CDH13: variants seen among roughly 807,000 people sequenced by gnomAD.
The protein encoded by CDH13 is cadherin-13.
CDH13 carries 24 observed loss-of-function variants against 63.8 expected under a neutral mutation model. The ratio of observed to expected loss-of-function variants is 0.38; its 90% confidence interval spans 0.27 to 0.53. The LOEUF (loss-of-function observed/expected upper bound fraction) is 0.53. CDH13 is among the 20% of genes least tolerant of loss of function. The pLI, the probability that CDH13 is intolerant of heterozygous loss-of-function variation, is 0.85. For synonymous variants in CDH13, 503 were observed against 355.3 expected (o/e 1.42, Z -4.67); for missense variants, 1,049 against 903.1 (o/e 1.16, Z -2.07).
chr16:83,756,591 T>C (rs1302181478), intron 11 of CDH13, among the ~76,000 whole-genome samples: 1 of 152,222 alleles, frequency 6.6e-6, no homozygotes, highest in East Asian at 1.9e-4. Flanking sequence ...CTGTTAGTGT[T>C]AGTGTATTGT....
chr16:83,136,501 A>G (rs973209445), intron 4 of CDH13, among the ~76,000 whole-genome samples: 3 of 151,820 alleles, frequency 2.0e-5, no homozygotes, highest in East Asian at 1.9e-4. Context: ...AAAAAAAAAA[A>G]AAAAAAGAAA....
At chr16:83,205,791 G>A (rs1048294712) in intron 4 of CDH13, among the ~76,000 whole-genome samples, 1 of 151,974 alleles carries the variant, frequency 6.6e-6, no homozygotes, top group African/African-American at 2.4e-5. Flanking sequence ...TTTTACTAGA[G>A]ACGGGGTTTC....
chr16:83,056,000 A>C (rs4783317), intron 3 of CDH13, among the ~76,000 whole-genome samples: 77,814 of 151,964 alleles, frequency 0.51, 21,826 homozygotes, highest in Middle Eastern at 0.64. Flanking sequence ...ACTCCTACAA[A>C]AATATAACAA....
intron 6 of CDH13, among the ~76,000 whole-genome samples, chr16:83,401,712 G>A (rs924140802): frequency 1.3e-5 from 2 of 152,116 alleles, no homozygotes; most frequent in South Asian, 2.1e-4. Flanking sequence ...CCAAGGATGC[G>A]TGACTGGTAA....
At chr16:83,511,088 ACACACATG>A (rs751000890) in intron 7 of CDH13, among the ~76,000 whole-genome samples, 8 of 35,246 alleles carry the variant, frequency 2.3e-4, no homozygotes, top group African/African-American at 8.6e-4. Flanking sequence ...ACGCATGCAC[ACACACATG>A]CACACATGCA....
intron 4 of CDH13, among the ~76,000 whole-genome samples, chr16:83,158,069 A>T (rs562333867): frequency 6.6e-6 from 1 of 152,050 alleles, no homozygotes; most frequent in African/African-American, 2.4e-5. Context: ...CCTTGGGTCA[A>T]ACCTTTAGAA....
intron 6 of CDH13, among the ~76,000 whole-genome samples, chr16:83,348,733 A>G (rs1355503110): frequency 2.0e-5 from 3 of 152,224 alleles, no homozygotes; most frequent in South Asian, 4.1e-4. Flanking sequence ...TGAACCTTCT[A>G]GGACCCTCTG....
intron 2 of CDH13, among the ~76,000 whole-genome samples, chr16:83,026,831 G>T (rs1915850926): frequency 6.6e-6 from 1 of 152,078 alleles, no homozygotes; most frequent in South Asian, 2.1e-4. Flanking sequence ...ACCATTCTTT[G>T]GGGCTATGCA....
chr16:83,512,262 A>G (rs2074586370), intron 7 of CDH13, among the ~76,000 whole-genome samples: 1 of 151,646 alleles, frequency 6.6e-6, no homozygotes, highest in Admixed American at 6.6e-5. Flanking sequence ...CGAAGCTTGC[A>G]GTGAGCGGAG....
chr16:83,505,618 G>A (rs564964421), intron 7 of CDH13, among the ~76,000 whole-genome samples: 24 of 137,976 alleles, frequency 1.7e-4, no homozygotes, highest in Non-Finnish European at 2.9e-4. Context: ...ATCTCGGCTC[G>A]CCACAATCTC....
chr16:83,182,919 TC>T (rs142113362), intron 4 of CDH13, among the ~76,000 whole-genome samples: 5,692 of 152,294 alleles, frequency 0.037, 128 homozygotes, highest in East Asian at 0.1. Flanking sequence ...TTTTAGTTTT[TC>T]CTCTTGTATT....
chr16:82,706,106 C>T (rs1597370274), intron 1 of CDH13, among the ~76,000 whole-genome samples: 1 of 152,018 alleles, frequency 6.6e-6, no homozygotes, highest in African/African-American at 2.4e-5. Context: ...CTGTCTTCCT[C>T]ACTCCTCCCT....
intron 8 of CDH13, among the ~76,000 whole-genome samples, chr16:83,623,092 G>C (rs1213753740): frequency 6.6e-6 from 1 of 152,206 alleles, no homozygotes; most frequent in Non-Finnish European, 1.5e-5. Flanking sequence ...CTGCTAGGTA[G>C]AGTAAGAAGG....
chr16:83,589,009 C>G (rs1042471498), intron 7 of CDH13, among the ~76,000 whole-genome samples: 21 of 152,246 alleles, frequency 1.4e-4, no homozygotes, highest in African/African-American at 5.1e-4. Flanking sequence ...GACAGCAGCA[C>G]AATATATTAT....
intron 2 of CDH13, among the ~76,000 whole-genome samples, chr16:82,997,154 G>A (rs1457586283): frequency 7.0e-6 from 1 of 142,444 alleles, no homozygotes; most frequent in Non-Finnish European, 1.6e-5. Flanking sequence ...TGGTGATGAT[G>A]GTGATGATAG....
At chr16:83,045,634 T>TAAAAAAAAAA (rs71382861) in intron 3 of CDH13, among the ~76,000 whole-genome samples, 55 of 107,906 alleles carry the variant, frequency 5.1e-4, no homozygotes, top group African/African-American at 1.8e-3. Flanking sequence ...AAGATTCCTT[T>TAAAAAAAAAA]AAAAAAAAAA....
chr16:83,576,654 C>G (rs957974050), intron 7 of CDH13, among the ~76,000 whole-genome samples: 2 of 152,216 alleles, frequency 1.3e-5, no homozygotes, highest in African/African-American at 4.8e-5. Context: ...CTCCACATCC[C>G]TCCCAGCCCT....
intron 10 of CDH13, among the ~76,000 whole-genome samples, chr16:83,678,881 C>T (rs935981945): frequency 2.6e-5 from 4 of 152,178 alleles, no homozygotes; most frequent in African/African-American, 9.7e-5. Context: ...TGTGGATTCG[C>T]AGATTCGTAG....
intron 4 of CDH13, among the ~76,000 whole-genome samples, chr16:83,168,716 T>A (rs2037794571): frequency 6.6e-6 from 1 of 152,180 alleles, no homozygotes; most frequent in African/African-American, 2.4e-5. Context: ...TAAATACATA[T>A]TCACATCTAT....
Sources: allele counts gnomAD v4.1 joint callset (sites outside exome capture counted in the v4.1 genomes callset), GRCh38; gene constraint gnomAD v4.1.1; transcripts MANE v1.5; gene names NCBI Gene and HGNC (gene_info 2026-07-23, HGNC 2026-07-21).